Variants in NALF1 observed in about 807,000 individuals in gnomAD.
The protein encoded by NALF1 is family with sequence similarity 155 member A.
NALF1 carries 3 observed loss-of-function variants against 48.4 expected under a neutral mutation model. The observed-to-expected ratio is 0.06, with a 90% CI of 0.03 to 0.16. The LOEUF (loss-of-function observed/expected upper bound fraction) is 0.16, where lower values mean the gene tolerates loss of function less well. Ranked by LOEUF, NALF1 falls within the 10% of genes least tolerant of loss-of-function variation. NALF1 has a pLI of 1.00. For synonymous variants in NALF1, 262 were observed against 245.7 expected, an observed-to-expected ratio of 1.07 and a Z score of -0.62; for missense variants, 526 against 571.5, an observed-to-expected ratio of 0.92 and a Z score of 0.81.
intron 1 of NALF1, among the ~76,000 whole-genome samples, chr13:107,253,944 G>A (rs1187014828): frequency 2.0e-5 from 3 of 152,078 alleles, no homozygotes; most frequent in African/African-American, 7.2e-5. Context: ...TTACTTGTGT[G>A]TTGTGTCTCT....
intron 1 of NALF1, among the ~76,000 whole-genome samples, chr13:107,654,933 T>C (rs1264447211): frequency 6.6e-6 from 1 of 152,082 alleles, no homozygotes; most frequent in Admixed American, 6.5e-5. Flanking sequence ...AAAAAGCATT[T>C]GACAAAATCC....
chr13:107,469,198 A>G (rs1327123448), intron 1 of NALF1, among the ~76,000 whole-genome samples: 1 of 152,178 alleles, frequency 6.6e-6, no homozygotes, highest in African/African-American at 2.4e-5. Flanking sequence ...AAGGTATTCT[A>G]TTTTAGAGCG....
rs142979814 is a variant in NALF1, at chr13:107,563,055, C to T, written c.915+302627G>A. ...GTAAAATAGGTTTAATGAGTTTTTA[C>T]AATTGTTTATTCACGTTAGATTAAT... On this transcript the variant is annotated intron_variant, in intron 1 of 2. Transcript: ENST00000375915. Among the ~76,000 whole-genome samples, 41 of 152,252 alleles carry T rather than the reference C, an allele frequency of 2.7e-4. No homozygotes were observed. The East Asian group carries it at 7.9e-3, about 29-fold the overall frequency.
intron 1 of NALF1, among the ~76,000 whole-genome samples, chr13:107,319,478 G>T (rs1005617936): frequency 2.6e-5 from 4 of 151,904 alleles, no homozygotes; most frequent in African/African-American, 7.3e-5. Context: ...ACAGATAAAG[G>T]CGCAATATAA....
intron 1 of NALF1, among the ~76,000 whole-genome samples, chr13:107,510,330 G>A (rs560345063): frequency 1.3e-5 from 2 of 152,212 alleles, no homozygotes; most frequent in African/African-American, 2.4e-5. Context: ...GCTGCCCAAA[G>A]ACACTGTAAA....
rs76352012 is a variant in NALF1, at chr13:107,581,328, G to A, written c.915+284354C>T. 0.02 allele frequency among the ~76,000 whole-genome samples: 3,102 copies of A among 152,198 alleles called. 207 individuals carry two copies. In the East Asian group the frequency reaches 0.26, roughly 13 times the overall value. On this transcript the variant is annotated intron_variant, in intron 1 of 2. Coordinates refer to ENST00000375915, the MANE Select transcript of NALF1 (RefSeq NM_001080396.3). ...AACAGGGGGAACAGAATCAACAAAG[G>A]AAAGCTCTGTAACTTAGTGCACTAT...
At chr13:107,226,136 A>C (rs1332653431) in intron 1 of NALF1, among the ~76,000 whole-genome samples, 1 of 152,092 alleles carries the variant, frequency 6.6e-6, no homozygotes, top group African/African-American at 2.4e-5. Flanking sequence ...CCTGGGGTTT[A>C]AACACACACC....
intron 2 of NALF1, among the ~76,000 whole-genome samples, chr13:107,199,444 T>C (rs957826932): frequency 6.6e-6 from 1 of 152,164 alleles, no homozygotes; most frequent in Non-Finnish European, 1.5e-5. Flanking sequence ...CTAGGGCTCA[T>C]CCTAATGACC....
chr13:107,327,084 T>C (rs1882378708), intron 1 of NALF1, among the ~76,000 whole-genome samples: 1 of 152,236 alleles, frequency 6.6e-6, no homozygotes, highest in East Asian at 1.9e-4. Flanking sequence ...ACTGGGACTT[T>C]CACTAAATTT....
At chr13:107,611,323 G>A (rs1447004859) in intron 1 of NALF1, among the ~76,000 whole-genome samples, 1 of 152,188 alleles carries the variant, frequency 6.6e-6, no homozygotes, top group Non-Finnish European at 1.5e-5. Context: ...ATTATCATAT[G>A]ATCCAGCAAT....
intron 1 of NALF1, among the ~76,000 whole-genome samples, chr13:107,769,583 T>C (rs1353080855): frequency 6.7e-6 from 1 of 150,364 alleles, no homozygotes; most frequent in Admixed American, 6.6e-5. Flanking sequence ...GAGATATACC[T>C]AATGCTAGAT....
rs144227175 is a variant in NALF1, at chr13:107,314,604, T to C, written c.916-103849A>G. ...TTCCTCTGCAAGATTCCTATTCCAA[T>C]TATCTCAGTATTAACATAATTTTCT... On this transcript the variant is annotated intron_variant, in intron 1 of 2. Transcript: ENST00000375915. Among the ~76,000 whole-genome samples the C allele has an allele frequency of 2.6e-3, 403 of 152,294 alleles. 2 individuals are homozygous for C. Among genetic ancestry groups the C allele is most frequent in the African/African-American group, 9.4e-3 (392 of 41,584 alleles).
intron 1 of NALF1, among the ~76,000 whole-genome samples, chr13:107,552,732 A>G (rs565704874): frequency 9.0e-4 from 137 of 152,168 alleles, no homozygotes; most frequent in Non-Finnish European, 1.7e-3. Flanking sequence ...AAGCATGAAT[A>G]ATTATATTCT....
chr13:107,399,799 A>T (rs997291271), intron 1 of NALF1, among the ~76,000 whole-genome samples: 2 of 152,212 alleles, frequency 1.3e-5, no homozygotes, highest in Non-Finnish European at 2.9e-5. Context: ...CTTCCTTTAC[A>T]AACATGTGAT....
chr13:107,550,852 T>C (rs1397694209), intron 1 of NALF1, among the ~76,000 whole-genome samples: 1 of 152,084 alleles, frequency 6.6e-6, no homozygotes, highest in Non-Finnish European at 1.5e-5. Context: ...GATCTGGAAT[T>C]GAAGTTTTTC....
chr13:107,391,528 A>G (rs998992156), intron 1 of NALF1, among the ~76,000 whole-genome samples: 2 of 152,142 alleles, frequency 1.3e-5, no homozygotes, highest in African/African-American at 4.8e-5. Context: ...CCAGATCCAG[A>G]AGATAATCAA....
intron 1 of NALF1, among the ~76,000 whole-genome samples, chr13:107,740,708 T>A (rs1240894097): frequency 6.6e-6 from 1 of 152,242 alleles, no homozygotes; most frequent in African/African-American, 2.4e-5. Context: ...TCTGTGATCA[T>A]TTTATAAATG....
intron 2 of NALF1, among the ~76,000 whole-genome samples, chr13:107,174,096 T>C (rs539397167): frequency 9.6e-4 from 146 of 152,312 alleles, no homozygotes; most frequent in African/African-American, 3.4e-3. Context: ...TTTCTCACTC[T>C]GAGATATTTG....
At chr13:107,645,488 C>T (rs1192913061) in intron 1 of NALF1, among the ~76,000 whole-genome samples, 1 of 152,082 alleles carries the variant, frequency 6.6e-6, no homozygotes, top group African/African-American at 2.4e-5. Flanking sequence ...GTTTAACTCA[C>T]CCAATTGTTT....
Sources: allele counts gnomAD v4.1 joint callset (sites outside exome capture counted in the v4.1 genomes callset), GRCh38; gene constraint gnomAD v4.1.1; transcripts MANE v1.5; gene names NCBI Gene and HGNC (gene_info 2026-07-23, HGNC 2026-07-21).